NRG3: variants seen among roughly 807,000 people sequenced by gnomAD.
The protein encoded by NRG3 is pro-neuregulin-3, membrane-bound isoform.
NRG3 carries 31 observed loss-of-function variants against 66.9 expected under a neutral mutation model. The observed-to-expected ratio is 0.46, with a 90% confidence interval of 0.35 to 0.63. NRG3 has a LOEUF of 0.63. Ranked by LOEUF, NRG3 falls within the 20% of genes least tolerant of loss-of-function variation. NRG3 has a pLI of 0.00. For missense variants in NRG3, 910 were observed against 878.9 expected (o/e 1.04, Z -0.45); for synonymous variants, 393 against 359.4 (o/e 1.09, Z -1.06).
In NRG3 at chr10:82,971,950, G is replaced by A. The variant is rs148059836; in HGVS notation, c.1285-1838G>A. Among the ~76,000 whole-genome samples the A allele has an allele frequency of 6.5e-3, 986 of 151,936 alleles. 7 individuals carry two copies. The highest frequency in any genetic ancestry group is 0.021 in the African/African-American group (885 of 41,432). ...AGGGTATATCTTTACCAATTCTGTCGACTTTTTTCTCTGTTGTTTTTAAAT... is the reference window on the plus strand; with the variant it reads ...AGGGTATATCTTTACCAATTCTGTCAACTTTTTTCTCTGTTGTTTTTAAAT... On this transcript the variant is annotated intron_variant, in intron 6 of 8. Transcript: ENST00000372141.
At chr10:82,469,642 C>T (rs1444905728) in intron 2 of NRG3, among the ~76,000 whole-genome samples, 1 of 152,146 alleles carries the variant, frequency 6.6e-6, no homozygotes. Flanking sequence ...AGGTGGAGAG[C>T]CAGCCTCTGA....
At chr10:82,621,121 A>G (rs1193717608) in intron 2 of NRG3, among the ~76,000 whole-genome samples, 1 of 152,118 alleles carries the variant, frequency 6.6e-6, no homozygotes. Flanking sequence ...TTTAGTTTTT[A>G]TTATTCAATG....
intron 1 of NRG3, among the ~76,000 whole-genome samples, chr10:81,979,403 A>C (rs924759969): frequency 3.9e-5 from 6 of 152,146 alleles, no homozygotes; most frequent in Admixed American, 6.5e-5. Context: ...CATTGTGCAC[A>C]CATTGCTAGA....
At chr10:82,891,198 T>C (rs1455372822) in intron 4 of NRG3, among the ~76,000 whole-genome samples, 2 of 151,680 alleles carry the variant, frequency 1.3e-5, no homozygotes, top group Middle Eastern at 3.5e-3. Context: ...AAGATTATGT[T>C]AAATCTATAG....
At chr10:82,439,926 A>G (rs190764294) in intron 2 of NRG3, among the ~76,000 whole-genome samples, 1 of 152,096 alleles carries the variant, frequency 6.6e-6, no homozygotes, top group East Asian at 1.9e-4. Context: ...AGCTAATAAT[A>G]TGTTTTGTTG....
At chr10:82,610,427 A>T (rs538837212) in intron 2 of NRG3, among the ~76,000 whole-genome samples, 1 of 152,302 alleles carries the variant, frequency 6.6e-6, no homozygotes, top group East Asian at 1.9e-4. Flanking sequence ...TAATTCATTA[A>T]CATATAATTC....
intron 2 of NRG3, among the ~76,000 whole-genome samples, chr10:82,551,317 T>A (rs1461367179): frequency 6.6e-6 from 1 of 152,110 alleles, no homozygotes; most frequent in Non-Finnish European, 1.5e-5. Context: ...ATTTGTTACA[T>A]ACACTTTGTA....
At chr10:82,550,174 G>A (rs561843885) in intron 2 of NRG3, among the ~76,000 whole-genome samples, 9 of 152,042 alleles carry the variant, frequency 5.9e-5, no homozygotes, top group Non-Finnish European at 1.0e-4. Flanking sequence ...AAAATATTCC[G>A]TTTATCTTTG....
At position 81,876,093 on chromosome 10, in the gene NRG3, C is replaced by T. The variant is rs1841608296; in HGVS notation, c.753C>T (p.Ala251=). 6.2e-7 allele frequency: 1 copy of T among 1,613,312 alleles called. No homozygotes were observed. Among genetic ancestry groups the T allele is most frequent in the South Asian group, 1.1e-5 (1 of 90,974 alleles). Residue 251 remains alanine, a synonymous_variant, in exon 1 of 9, where the codon GCC becomes GCT. Transcript: ENST00000372141. The stretch of plus-strand genomic sequence containing the variant: ...CCCTGTCTCCCTTTCAGGATGCTGC[C>T]TCCTCTTCTTCCTCTTCTTCCTCCT... ...SWTLSPFQDA[A]SSSSSSSSSA... is the part of the protein sequence containing the mutation.
intron 1 of NRG3, among the ~76,000 whole-genome samples, chr10:81,942,672 C>T (rs568916728): frequency 2.0e-5 from 3 of 152,290 alleles, no homozygotes; most frequent in African/African-American, 7.2e-5. Context: ...CCTCAATTCA[C>T]TGATCTAGCT....
chr10:82,823,142 C>T (rs1184565660), intron 3 of NRG3, among the ~76,000 whole-genome samples: 1 of 152,158 alleles, frequency 6.6e-6, no homozygotes, highest in African/African-American at 2.4e-5. Flanking sequence ...TTTTTCTCCT[C>T]TGAGAGCCAA....
intron 4 of NRG3, among the ~76,000 whole-genome samples, chr10:82,927,133 C>G (rs1847080064): frequency 1.3e-5 from 2 of 152,162 alleles, no homozygotes; most frequent in Admixed American, 1.3e-4. Context: ...GTTGAATCCC[C>G]AGCACAGAGC....
At chr10:82,275,983 CTGAA>C (rs1189849254) in intron 1 of NRG3, among the ~76,000 whole-genome samples, 1 of 151,950 alleles carries the variant, frequency 6.6e-6, no homozygotes, top group African/African-American at 2.4e-5. Flanking sequence ...ATGTCAGTAA[CTGAA>C]GGAAGGAGAT....
intron 1 of NRG3, among the ~76,000 whole-genome samples, chr10:82,191,158 C>T (rs1277508668): frequency 6.6e-6 from 1 of 152,108 alleles, no homozygotes; most frequent in South Asian, 2.1e-4. Context: ...TTTCTTCTGT[C>T]TAGGTTGGAC....
At chr10:82,083,595 ATTTTT>A (rs35927277) in intron 1 of NRG3, among the ~76,000 whole-genome samples, 2 of 115,368 alleles carry the variant, frequency 1.7e-5, no homozygotes, top group Admixed American at 9.1e-5. Context: ...CCATTTGTTA[ATTTTT>A]TTTTTTTTTT....
intron 1 of NRG3, among the ~76,000 whole-genome samples, chr10:82,208,471 C>G (rs767271691): frequency 7.2e-5 from 11 of 152,098 alleles, no homozygotes; most frequent in Non-Finnish European, 1.5e-4. Flanking sequence ...CTATGCCATT[C>G]CCATAACCAT....
At chr10:82,703,870 C>A (rs1327486067) in intron 2 of NRG3, among the ~76,000 whole-genome samples, 1 of 152,046 alleles carries the variant, frequency 6.6e-6, no homozygotes, top group Non-Finnish European at 1.5e-5. Context: ...ACTGGTTAAT[C>A]AAATCATAAT....
chr10:82,689,761 G>C (rs1036893168), intron 2 of NRG3, among the ~76,000 whole-genome samples: 1 of 152,154 alleles, frequency 6.6e-6, no homozygotes, highest in Non-Finnish European at 1.5e-5. Context: ...CAACTAATTG[G>C]AAGACGAAAG....
chr10:82,079,882 G>T (rs1366711560), intron 1 of NRG3, among the ~76,000 whole-genome samples: 2 of 152,074 alleles, frequency 1.3e-5, no homozygotes, highest in Non-Finnish European at 2.9e-5. Flanking sequence ...GGACATCTTG[G>T]TTGCTTCCAA....
Sources: allele counts gnomAD v4.1 joint callset (sites outside exome capture counted in the v4.1 genomes callset), GRCh38; gene constraint gnomAD v4.1.1; transcripts MANE v1.5; gene names NCBI Gene and HGNC (gene_info 2026-07-23, HGNC 2026-07-21).